The following NLRP11 variants were observed in gnomAD, a reference collection of about 807,000 sequenced individuals.
The protein encoded by NLRP11 is NLR family pyrin domain containing 11, also known as NACHT, LRR and PYD domains-containing protein 11.
Under a neutral mutation model 79.3 loss-of-function variants are expected in NLRP11, and 53 were observed. That is an observed-to-expected ratio of 0.67 (90% CI 0.54 to 0.84). The LOEUF (loss-of-function observed/expected upper bound fraction) is 0.84, where lower values mean the gene tolerates loss of function less well. NLRP11 is among the 40% of genes least tolerant of loss of function. The pLI is 0.00. For missense variants in NLRP11, 1,264 were observed against 1,255.0 expected, an observed-to-expected ratio of 1.01 and a Z score of -0.11; for synonymous variants, 518 against 462.6, an observed-to-expected ratio of 1.12 and a Z score of -1.54.
In NLRP11 at chr19:55,809,825, A is replaced by C. The variant is rs768281695; in HGVS notation, c.785T>G (p.Leu262Trp). The change falls in exon 3 of 10, where the codon TTG (leucine) becomes TGG (tryptophan). Residue 262 changes from leucine to tryptophan, a missense_variant. Leu to Trp is a moderately conservative substitution (Grantham distance 61). Coordinates refer to ENST00000589093, the Ensembl canonical transcript of NLRP11. The surrounding 1 kb of genome is among the most constrained non-coding windows in gnomAD (Gnocchi z 4.5). ...GCCTGGAGCCATTTTTCTCTTCAGCAAACTGACCAGGAGAACTGGAATGGG... is the reference window on the plus strand; with the variant it reads ...GCCTGGAGCCATTTTTCTCTTCAGCCAACTGACCAGGAGAACTGGAATGGG... 6.2e-7 allele frequency: 1 copy of C among 1,614,200 alleles called. No homozygotes were observed. Among genetic ancestry groups the C allele is most frequent in the Non-Finnish European group, 8.5e-7 (1 of 1,180,026 alleles).
chr19:55,809,424 G>A lies in NLRP11; in HGVS notation c.1186C>T (p.Arg396Cys), dbSNP rs757820760. ...CCTCCTGCAGCCAGCAAACACAGAC[G>A]TTTTAGGAGACCTAGGTGATACTGA... is the stretch of plus-strand genomic sequence containing the variant. The change falls in exon 3 of 10, where the codon CGT becomes TGT. Residue 396 changes from arginine (R) to cysteine (C), a missense_variant. Physicochemically the swap from Arg to Cys is radical, Grantham distance 180. Coordinates refer to ENST00000589093, the Ensembl canonical transcript of NLRP11. The surrounding 1 kb of genome is among the most constrained non-coding windows in gnomAD (Gnocchi z 4.5). 3.1e-6 allele frequency: 5 copies of A among 1,614,026 alleles called. No homozygotes were observed. The African/African-American group carries it at 4.0e-5, about 13-fold the overall frequency.
At chr19:55,820,970 A>C (rs940391522) in intron 1 of NLRP11, among the ~76,000 whole-genome samples, 2 of 151,696 alleles carry the variant, frequency 1.3e-5, no homozygotes, top group African/African-American at 4.9e-5. Context: ...TGGAACCTGG[A>C]TGTGGAAGGC....
upstream of NLRP11, among the ~76,000 whole-genome samples, chr19:55,833,593 C>A (rs111493299): frequency 2.8e-3 from 422 of 151,532 alleles, 2 homozygotes; most frequent in African/African-American, 9.9e-3. Context: ...GTGAAACCCC[C>A]GTCTCTACCA....
chr19:55,822,849 A>G, intron 1 of NLRP11, among the ~76,000 whole-genome samples: 1 of 152,282 alleles, frequency 6.6e-6, no homozygotes, highest in African/African-American at 2.4e-5. Flanking sequence ...GGCGCCCGCC[A>G]TTGCCCAGGC....
At chr19:55,785,622 T>C (rs987617261) in exon 10 of NLRP11, 1 of 1,609,928 alleles carries the variant, frequency 6.2e-7, no homozygotes, top group Non-Finnish European at 8.5e-7. Context: ...ACGTACAACA[T>C]GATCAAAGGG....
At chr19:55,799,827 C>A (rs899391290) in intron 5 of NLRP11, among the ~76,000 whole-genome samples, 3 of 151,982 alleles carry the variant, frequency 2.0e-5, no homozygotes, top group Non-Finnish European at 4.4e-5. Context: ...ATTAGCCATA[C>A]GTGGTGGCAA....
chr19:55,832,278 C>T (rs1010426086), upstream of NLRP11, among the ~76,000 whole-genome samples: 9 of 152,110 alleles, frequency 5.9e-5, no homozygotes, highest in African/African-American at 1.2e-4. Context: ...TAGGCAGTGC[C>T]GGGGGAAAGA....
chr19:55,808,792 C>T (rs1256754337), exon 3 of NLRP11: 2 of 1,609,564 alleles, frequency 1.2e-6, no homozygotes, highest in South Asian at 1.1e-5. Flanking sequence ...TTATAAGTGG[C>T]TCTTTGTTTT....
At chr19:55,797,171 C>G (rs534072515) in intron 5 of NLRP11, among the ~76,000 whole-genome samples, 1 of 152,020 alleles carries the variant, frequency 6.6e-6, no homozygotes. Context: ...TGGTGGTGCA[C>G]GACTATAGTC....
intron 4 of NLRP11, among the ~76,000 whole-genome samples, chr19:55,803,907 C>T (rs780113535): frequency 5.3e-5 from 8 of 152,084 alleles, no homozygotes; most frequent in Non-Finnish European, 5.9e-5. Flanking sequence ...CATGGTGAAA[C>T]CCCGTCTCTA....
chr19:55,816,041 A>G (rs938974810), intron 2 of NLRP11, among the ~76,000 whole-genome samples: 28 of 152,352 alleles, frequency 1.8e-4, no homozygotes, highest in African/African-American at 5.8e-4. Context: ...GACATGCTAT[A>G]CTATTTAATT....
At chr19:55,791,923 C>T (rs1990257042) in intron 7 of NLRP11, among the ~76,000 whole-genome samples, 1 of 152,168 alleles carries the variant, frequency 6.6e-6, no homozygotes, top group Non-Finnish European at 1.5e-5. Context: ...GAAAGATGCC[C>T]CCATGATCGC....
chr19:55,833,490 G>C (rs1982968414), upstream of NLRP11, among the ~76,000 whole-genome samples: 2 of 152,026 alleles, frequency 1.3e-5, no homozygotes, highest in African/African-American at 4.8e-5. Flanking sequence ...GGTTGGCCGG[G>C]GGCGGTGGCT....
intron 2 of NLRP11, among the ~76,000 whole-genome samples, chr19:55,817,426 C>A (rs545697703): frequency 6.6e-6 from 1 of 151,602 alleles, no homozygotes; most frequent in Non-Finnish European, 1.5e-5. Flanking sequence ...GCCCAAATGC[C>A]CATCAATCAA....
chr19:55,822,361 A>C (rs1182848378), intron 1 of NLRP11, among the ~76,000 whole-genome samples: 1 of 152,264 alleles, frequency 6.6e-6, no homozygotes, highest in East Asian at 1.9e-4. Context: ...GATGTCAAAG[A>C]AAAATTTTAG....
intron 2 of NLRP11, 38 bp downstream of exon 2, chr19:55,817,854 TCCTGTGAAGTGC>T: frequency 7.1e-7 from 1 of 1,416,030 alleles, no homozygotes; most frequent in Non-Finnish European, 9.5e-7. Flanking sequence ...ACACCCAGCT[TCCTGTGAAGTGC>T]CCTGATTTCT....
intron 1 of NLRP11, among the ~76,000 whole-genome samples, chr19:55,821,538 T>A (rs544069015): frequency 6.6e-6 from 1 of 152,268 alleles, no homozygotes; most frequent in African/African-American, 2.4e-5. Flanking sequence ...ACACACAGGG[T>A]AACAGGAAAT....
At position 55,807,840 on chromosome 19, in the gene NLRP11, A is replaced by T; in HGVS notation, c.2003+13T>A. The T allele has an allele frequency of 6.3e-7, 1 of 1,587,906 alleles. No individual in the cohort carries two copies. The highest frequency in any genetic ancestry group is 8.6e-7 in the Non-Finnish European group (1 of 1,160,562). On this transcript the variant is annotated intron_variant, in intron 4 of 9. Transcript: ENST00000589093. Reference sequence around the variant, plus strand: ...AGGGGAACCTCTAAGGCAGAGGTTGATATAGTACTTACTTGAGTGTGCGAA... The same window carrying T: ...AGGGGAACCTCTAAGGCAGAGGTTGTTATAGTACTTACTTGAGTGTGCGAA...
intron 5 of NLRP11, chr19:55,800,962 C>T (rs1414769285): frequency 6.6e-6 from 1 of 151,954 alleles, no homozygotes; most frequent in African/African-American, 2.4e-5. Flanking sequence ...TGTGGATCAC[C>T]TGAGGTTGGG....
Sources: gnomAD v4.1 joint callset for allele counts (sites outside exome capture counted in the v4.1 genomes callset) on GRCh38, gnomAD v4.1.1 for gene constraint, Gnocchi (gnomAD v3.1) non-coding constraint, MANE v1.5 for transcripts, NCBI Gene and HGNC (gene_info 2026-07-23, HGNC 2026-07-21) for gene names.